IMMP2L: variants seen among roughly 807,000 people sequenced by gnomAD.
The protein encoded by IMMP2L is mitochondrial inner membrane protease subunit 2.
IMMP2L carries 18 observed loss-of-function variants against 19.3 expected under a neutral mutation model. The ratio of observed to expected loss-of-function variants is 0.93; its 90% CI spans 0.64 to 1.38. IMMP2L has a LOEUF of 1.38. Ranked by LOEUF, IMMP2L falls within the 40% of genes most tolerant of loss-of-function variation. The pLI is 0.00. For missense variants in IMMP2L, 233 were observed against 218.2 expected (o/e 1.07, Z -0.43); for synonymous variants, 76 against 73.0 (o/e 1.04, Z -0.21).
chr7:111,060,368 C>T (rs1170490430), intron 3 of IMMP2L, among the ~76,000 whole-genome samples: 1 of 152,190 alleles, frequency 6.6e-6, no homozygotes, highest in Non-Finnish European at 1.5e-5. Flanking sequence ...TATTTTCTGA[C>T]CTTTCAGGAA....
At chr7:111,310,703 G>A (rs1823421158) in intron 3 of IMMP2L, among the ~76,000 whole-genome samples, 1 of 152,090 alleles carries the variant, frequency 6.6e-6, no homozygotes, top group African/African-American at 2.4e-5. Context: ...CGCCCTGACA[G>A]TAAAGTATAC....
chr7:111,277,178 G>A (rs1212223913), intron 3 of IMMP2L, among the ~76,000 whole-genome samples: 1 of 151,818 alleles, frequency 6.6e-6, no homozygotes, highest in Non-Finnish European at 1.5e-5. Flanking sequence ...TAAACAGACA[G>A]TCTATAGAAT....
chr7:111,059,811 C>T (rs1793850694), intron 3 of IMMP2L, among the ~76,000 whole-genome samples: 1 of 151,700 alleles, frequency 6.6e-6, no homozygotes, highest in Non-Finnish European at 1.5e-5. Flanking sequence ...AAAAATATGG[C>T]ACTCTACATG....
intron 3 of IMMP2L, among the ~76,000 whole-genome samples, chr7:111,097,675 A>C (rs968331593): frequency 6.6e-6 from 1 of 151,924 alleles, no homozygotes; most frequent in Admixed American, 6.6e-5. Flanking sequence ...CTGTATCGCT[A>C]TATTTATATG....
chr7:111,485,182 T>A (rs59664787), intron 3 of IMMP2L, among the ~76,000 whole-genome samples: 5,032 of 152,268 alleles, frequency 0.033, 280 homozygotes, highest in African/African-American at 0.11. Flanking sequence ...GATCATCTGT[T>A]GTTAAATATA....
intron 5 of IMMP2L, among the ~76,000 whole-genome samples, chr7:110,759,075 G>A (rs138594027): frequency 1.7e-4 from 26 of 152,116 alleles, no homozygotes; most frequent in Admixed American, 9.8e-4. Flanking sequence ...ATAAATGCAC[G>A]TTTAGTATTC....
At chr7:110,729,077 G>C (rs1796085453) in intron 5 of IMMP2L, among the ~76,000 whole-genome samples, 2 of 151,948 alleles carry the variant, frequency 1.3e-5, no homozygotes, top group Admixed American at 1.3e-4. Context: ...TATAGATGGG[G>C]TTTCACCATG....
At chr7:111,177,787 G>C (rs1357640372) in intron 3 of IMMP2L, among the ~76,000 whole-genome samples, 1 of 151,952 alleles carries the variant, frequency 6.6e-6, no homozygotes, top group Non-Finnish European at 1.5e-5. Context: ...TTCACATATA[G>C]AAACATCAGA....
intron 3 of IMMP2L, among the ~76,000 whole-genome samples, chr7:111,073,936 C>T (rs1795171569): frequency 6.6e-6 from 1 of 152,134 alleles, no homozygotes; most frequent in Non-Finnish European, 1.5e-5. Flanking sequence ...TGTTATTGGT[C>T]AGTCTTCTGT....
At chr7:110,748,944 T>C (rs1367417870) in intron 5 of IMMP2L, among the ~76,000 whole-genome samples, 1 of 152,094 alleles carries the variant, frequency 6.6e-6, no homozygotes, top group Non-Finnish European at 1.5e-5. Flanking sequence ...ATAGAAACTA[T>C]CATCAGCGTG....
intron 1 of IMMP2L, among the ~76,000 whole-genome samples, chr7:111,528,491 A>G (rs1448537129): frequency 6.6e-6 from 1 of 152,180 alleles, no homozygotes; most frequent in Non-Finnish European, 1.5e-5. Flanking sequence ...TTTCAGAATC[A>G]AGTGAAACCA....
At chr7:111,130,849 T>TTTC (rs780410374) in intron 3 of IMMP2L, among the ~76,000 whole-genome samples, 2 of 152,040 alleles carry the variant, frequency 1.3e-5, no homozygotes, top group African/African-American at 2.4e-5. Flanking sequence ...ATCTCTTTAA[T>TTTC]AATGGTTTCA....
At chr7:111,525,503 G>A (rs1419919758) in intron 1 of IMMP2L, among the ~76,000 whole-genome samples, 1 of 152,100 alleles carries the variant, frequency 6.6e-6, no homozygotes, top group Non-Finnish European at 1.5e-5. Flanking sequence ...GCCTGGATAG[G>A]ACAAAAATGG....
At chr7:110,705,215 T>C (rs1396118535) in intron 5 of IMMP2L, among the ~76,000 whole-genome samples, 1 of 151,924 alleles carries the variant, frequency 6.6e-6, no homozygotes, top group Admixed American at 6.5e-5. Context: ...TAATCAAGAG[T>C]TGGCTAAAAT....
At chr7:111,361,728 C>T (rs1829278804) in intron 3 of IMMP2L, among the ~76,000 whole-genome samples, 1 of 152,058 alleles carries the variant, frequency 6.6e-6, no homozygotes, top group Non-Finnish European at 1.5e-5. Context: ...TCTTTGATAA[C>T]AGAAGTTCAG....
chr7:110,801,635 T>C (rs1801253009), intron 5 of IMMP2L, among the ~76,000 whole-genome samples: 2 of 152,076 alleles, frequency 1.3e-5, no homozygotes, highest in African/African-American at 4.8e-5. Flanking sequence ...ACTTCACTCT[T>C]CAATCATTTC....
At chr7:110,989,469 C>A (rs556674062) in intron 3 of IMMP2L, among the ~76,000 whole-genome samples, 1 of 146,160 alleles carries the variant, frequency 6.8e-6, no homozygotes, top group African/African-American at 2.5e-5. Context: ...ATCAGGTGAG[C>A]CTAGGAGGTC....
At chr7:111,282,923 A>G (rs1032198931) in intron 3 of IMMP2L, among the ~76,000 whole-genome samples, 11 of 152,074 alleles carry the variant, frequency 7.2e-5, no homozygotes, top group African/African-American at 2.4e-4. Flanking sequence ...CACTAACTAG[A>G]CAGAAGATCA....
chr7:111,511,344 G>A (rs762598581), intron 2 of IMMP2L, among the ~76,000 whole-genome samples: 3 of 151,860 alleles, frequency 2.0e-5, no homozygotes, highest in Non-Finnish European at 4.4e-5. Context: ...GCTACCAACA[G>A]GCCAAGCAAA....
Sources: gnomAD v4.1 joint callset for allele counts (sites outside exome capture counted in the v4.1 genomes callset) on GRCh38, gnomAD v4.1.1 for gene constraint, MANE v1.5 for transcripts, NCBI Gene and HGNC (gene_info 2026-07-23, HGNC 2026-07-21) for gene names.